PTPRM: variants seen among roughly 807,000 people sequenced by gnomAD.
The protein encoded by PTPRM is receptor-type tyrosine-protein phosphatase mu.
In PTPRM, 47 loss-of-function variants were observed where a neutral mutation model predicts 186.7. The observed-to-expected ratio is 0.25, with a 90% CI of 0.20 to 0.32. The LOEUF is 0.32. PTPRM is among the 10% of genes least tolerant of loss of function. The pLI is 1.00. For missense variants in PTPRM, 1,494 were observed against 1,865.0 expected (o/e 0.80, Z 3.66); for synonymous variants, 668 against 674.9 (o/e 0.99, Z 0.16).
chr18:7,981,863 T>G (rs545463904), intron 7 of PTPRM, among the ~76,000 whole-genome samples: 1 of 152,298 alleles, frequency 6.6e-6, no homozygotes, highest in South Asian at 2.1e-4. Flanking sequence ...TTTGTGTAGC[T>G]AAACATTGAA....
At chr18:7,932,521 G>C (rs1023820866) in intron 5 of PTPRM, among the ~76,000 whole-genome samples, 2 of 151,952 alleles carry the variant, frequency 1.3e-5, no homozygotes, top group Admixed American at 1.3e-4. Context: ...TTTTATGTCT[G>C]TATATATATG....
chr18:8,113,559 C>A lies in PTPRM; in HGVS notation c.1930C>A (p.Pro644Thr). 6.2e-7 allele frequency: 1 copy of A among 1,613,872 alleles called. No homozygotes were observed. The highest frequency in any genetic ancestry group is 8.5e-7 in the Non-Finnish European group (1 of 1,179,774). The change falls in exon 12 of 33, where the codon CCA (proline) becomes ACA (threonine). Residue 644 changes from proline (P) to threonine (T), a missense_variant. By Grantham distance (38) the Pro-to-Thr change is conservative. Transcript: ENST00000580170. ...KKTTEILKCY[P>T]VPIHFQNASL... Reference sequence around the variant, plus strand: ...GACGACAGAAATCTTAAAGTGCTACCCAGTGCCAATTCACTTCCAGAATGC... The same window carrying A: ...GACGACAGAAATCTTAAAGTGCTACACAGTGCCAATTCACTTCCAGAATGC...
chr18:7,616,304 T>C (rs1182374634), intron 1 of PTPRM, among the ~76,000 whole-genome samples: 1 of 152,030 alleles, frequency 6.6e-6, no homozygotes, highest in Non-Finnish European at 1.5e-5. Context: ...ACTACAGGCA[T>C]AGTGCCACCA....
intron 19 of PTPRM, among the ~76,000 whole-genome samples, chr18:8,263,195 A>G (rs1055947611): frequency 2.0e-5 from 3 of 152,018 alleles, no homozygotes; most frequent in African/African-American, 2.4e-5. Flanking sequence ...TGCAACCTCC[A>G]TCTGCCGGGT....
intron 5 of PTPRM, 46 bp downstream of exon 5, chr18:7,926,729 A>T (rs1490609658): frequency 1.4e-6 from 2 of 1,428,932 alleles, no homozygotes; most frequent in East Asian, 4.8e-5. Context: ...CAGCGGGAAG[A>T]ATACACTCCC....
At chr18:7,803,370 A>T (rs1435622500) in intron 2 of PTPRM, among the ~76,000 whole-genome samples, 1 of 152,076 alleles carries the variant, frequency 6.6e-6, no homozygotes, top group East Asian at 1.9e-4. Context: ...CAGGAGCTGG[A>T]CATCTTTAAA....
chr18:8,050,503 C>T (rs557337914), intron 7 of PTPRM, among the ~76,000 whole-genome samples: 86 of 149,384 alleles, frequency 5.8e-4, no homozygotes, highest in African/African-American at 2.0e-3. Context: ...AAAAAAAAAA[C>T]CCTCCATACA....
At position 8,240,765 on chromosome 18, in the gene PTPRM, G is replaced by A. The variant is rs8088155; in HGVS notation, c.2301-3293G>A. Among the ~76,000 whole-genome samples, 858 of 102,096 alleles carry A rather than the reference G, an allele frequency of 8.4e-3. 14 individuals carry two copies. Among genetic ancestry groups the A allele is most frequent in the African/African-American group, 0.031 (806 of 26,076 alleles). The allele number at this position is 102,096 out of a possible 152,430, so 67.0% of individuals were successfully genotyped here. ...TTGTGGCAACCCGCGAGGGAGGGAGGGAGAGAGAGAGGGAGAGAGAGAGAG... is the reference window on the plus strand; with the variant it reads ...TTGTGGCAACCCGCGAGGGAGGGAGAGAGAGAGAGAGGGAGAGAGAGAGAG... On this transcript the variant is annotated intron_variant, in intron 14 of 32. Transcript: ENST00000580170.
At chr18:7,623,297 G>A (rs78257318) in intron 1 of PTPRM, among the ~76,000 whole-genome samples, 1,938 of 152,048 alleles carry the variant, frequency 0.013, 40 homozygotes, top group African/African-American at 0.044. Flanking sequence ...GTCTAATATT[G>A]TTATTGTAGG....
chr18:7,775,484 T>C (rs560484036), intron 2 of PTPRM, among the ~76,000 whole-genome samples: 1 of 152,254 alleles, frequency 6.6e-6, no homozygotes, highest in South Asian at 2.1e-4. Flanking sequence ...ACAGCTGTGC[T>C]CCTCCTGTGG....
At chr18:8,361,155 C>G (rs769157836) in intron 23 of PTPRM, 1 of 152,104 alleles carries the variant, frequency 6.6e-6, no homozygotes, top group Admixed American at 6.5e-5. Context: ...ATTCTTCTTC[C>G]TTTCTTCCTT....
At chr18:8,264,771 T>C in intron 19 of PTPRM, among the ~76,000 whole-genome samples, 1 of 93,520 alleles carries the variant, frequency 1.1e-5, no homozygotes, top group South Asian at 4.0e-4. Flanking sequence ...CAAGACTCCA[T>C]CTCAAAAAAA....
At chr18:8,128,730 G>A (rs892911023) in intron 13 of PTPRM, among the ~76,000 whole-genome samples, 1 of 152,136 alleles carries the variant, frequency 6.6e-6, no homozygotes, top group Non-Finnish European at 1.5e-5. Flanking sequence ...CAAATGTCAA[G>A]TATTTGATTT....
Position 8,118,817 on chromosome 18 carries a change from T to A in PTPRM, c.2167+3990T>A, listed in dbSNP as rs1312500257. On this transcript the variant is annotated intron_variant, in intron 13 of 32. Coordinates refer to ENST00000580170, the MANE Select transcript of PTPRM (RefSeq NM_001105244.2). ...TCCATCTCAAAAAAAAAAAAATATA[T>A]ATATATATATATATATGAGATTTAT... is the stretch of plus-strand genomic sequence containing the variant. Among the ~76,000 whole-genome samples, 712 of 143,504 alleles carry A rather than the reference T, an allele frequency of 5.0e-3. 7 individuals carry two copies. Among genetic ancestry groups the A allele is most frequent in the African/African-American group, 0.017 (671 of 38,988 alleles). The allele number at this position is 143,504 out of a possible 152,430, so 94.1% of individuals were successfully genotyped here.
chr18:8,321,052 G>A (rs1181234844), intron 22 of PTPRM, among the ~76,000 whole-genome samples: 1 of 152,166 alleles, frequency 6.6e-6, no homozygotes, highest in African/African-American at 2.4e-5. Context: ...CATCAATGCC[G>A]TTAGAGGAAC....
At chr18:7,748,543 G>A (rs905774493) in intron 1 of PTPRM, among the ~76,000 whole-genome samples, 1 of 152,182 alleles carries the variant, frequency 6.6e-6, no homozygotes, top group South Asian at 2.1e-4. Flanking sequence ...TAAGGACACT[G>A]TGGAGCAGAG....
Position 7,889,336 on chromosome 18 carries a change from T to TC in PTPRM, c.468+959_468+960insC, listed in dbSNP as rs1555633918. Among the ~76,000 whole-genome samples, 395 of 119,544 alleles carry TC rather than the reference T, an allele frequency of 3.3e-3. 1 individual carries two copies. The highest frequency in any genetic ancestry group is 0.016 in the African/African-American group (328 of 20,066). 78.4% of individuals were successfully genotyped at this position (119,544 alleles called of 152,430 possible). A position where few individuals can be genotyped will look rare whatever the true frequency, so the allele number is the denominator to read the frequency against. On this transcript the variant is annotated intron_variant, in intron 3 of 32. Transcript: ENST00000580170. ...GCAAATATATTTTCTTTTCTTTCTT[T>TC]TTTTTTTTTTTTTTTTTTGAGACTG...
intron 1 of PTPRM, among the ~76,000 whole-genome samples, chr18:7,619,464 A>G (rs760289236): frequency 5.3e-4 from 81 of 152,180 alleles, no homozygotes; most frequent in Non-Finnish European, 9.4e-4. Flanking sequence ...GATGGTTGGC[A>G]GTTGCTGCTG....
intron 22 of PTPRM, 89 bp from the exon 23 acceptor site, chr18:8,343,334 G>T: frequency 9.6e-7 from 1 of 1,042,046 alleles, no homozygotes; most frequent in East Asian, 2.4e-5. Context: ...ACTGCATGTG[G>T]GTATTAATAG....
Sources: gnomAD v4.1 joint callset for allele counts (sites outside exome capture counted in the v4.1 genomes callset) on GRCh38, gnomAD v4.1.1 for gene constraint, MANE v1.5 for transcripts, NCBI Gene and HGNC (gene_info 2026-07-23, HGNC 2026-07-21) for gene names.